The following RBFOX1 variants were observed in gnomAD, a reference collection of about 807,000 sequenced individuals.
RBFOX1 encodes RNA binding protein fox-1 homolog 1.
Under a neutral mutation model 57.7 loss-of-function variants are expected in RBFOX1, and 8 were observed. The observed-to-expected ratio is 0.14, with a 90% CI of 0.08 to 0.25. RBFOX1 has a LOEUF of 0.25. Ranked by LOEUF, RBFOX1 falls within the 10% of genes least tolerant of loss-of-function variation. The probability of loss-of-function intolerance (pLI) is 1.00; values close to 1 mark genes in which losing one functional copy is unlikely to be tolerated. For missense variants in RBFOX1, 611 were observed against 548.5 expected, an observed-to-expected ratio of 1.11 and a Z score of -1.14; for synonymous variants, 326 against 222.4, an observed-to-expected ratio of 1.47 and a Z score of -4.15.
At chr16:5,403,316 C>G (rs1183540663) in intron 1 of RBFOX1, among the ~76,000 whole-genome samples, 1 of 144,678 alleles carries the variant, frequency 6.9e-6, no homozygotes, top group Non-Finnish European at 1.5e-5. Context: ...TGCCATTGCA[C>G]TCCAGTCTGG....
At chr16:5,780,973 C>T (rs577847945) in intron 3 of RBFOX1, among the ~76,000 whole-genome samples, 4 of 152,280 alleles carry the variant, frequency 2.6e-5, no homozygotes, top group East Asian at 1.9e-4. Flanking sequence ...AACACCCTTG[C>T]GGGGTCCCGC....
chr16:6,327,472 A>AT (rs1033906866), intron 2 of RBFOX1, among the ~76,000 whole-genome samples: 4 of 151,852 alleles, frequency 2.6e-5, no homozygotes, highest in African/African-American at 9.7e-5. Flanking sequence ...TTTCTAACCC[A>AT]TTTTTTAATG....
chr16:6,812,624 G>T (rs1400433258), intron 3 of RBFOX1, among the ~76,000 whole-genome samples: 1 of 152,074 alleles, frequency 6.6e-6, no homozygotes, highest in African/African-American at 2.4e-5. Context: ...TGATCCACCC[G>T]CCTCAGCCTA....
intron 10 of RBFOX1, among the ~76,000 whole-genome samples, chr16:7,620,793 C>A (rs527734531): frequency 6.6e-6 from 1 of 152,278 alleles, no homozygotes; most frequent in Admixed American, 6.5e-5. Context: ...GCTTTGGAGT[C>A]ACACAAAACT....
At chr16:7,590,548 C>T (rs571912920) in intron 7 of RBFOX1, among the ~76,000 whole-genome samples, 10 of 152,118 alleles carry the variant, frequency 6.6e-5, no homozygotes, top group South Asian at 6.2e-4. Flanking sequence ...GCAGATATAG[C>T]TACTCCCTAC....
chr16:5,326,408 C>G (rs1176654102), intron 1 of RBFOX1, among the ~76,000 whole-genome samples: 1 of 152,118 alleles, frequency 6.6e-6, no homozygotes, highest in Non-Finnish European at 1.5e-5. Flanking sequence ...TATTTTGAGC[C>G]CCATCCATAC....
At chr16:6,464,276 A>G (rs1326468009) in intron 2 of RBFOX1, among the ~76,000 whole-genome samples, 1 of 152,200 alleles carries the variant, frequency 6.6e-6, no homozygotes, top group African/African-American at 2.4e-5. Context: ...TCATATATTA[A>G]TGGTTGGAGT....
At chr16:7,580,682 T>C (rs563514060) in intron 6 of RBFOX1, among the ~76,000 whole-genome samples, 1 of 152,294 alleles carries the variant, frequency 6.6e-6, no homozygotes. Flanking sequence ...TGATTATTTT[T>C]TTCTCGAAGA....
intron 1 of RBFOX1, among the ~76,000 whole-genome samples, chr16:6,111,178 C>G: frequency 6.6e-6 from 1 of 152,100 alleles, no homozygotes; most frequent in Admixed American, 6.5e-5. Flanking sequence ...ATTCATAATT[C>G]TTAATGAAAA....
At chr16:5,795,346 C>G (rs375203696) in intron 3 of RBFOX1, among the ~76,000 whole-genome samples, 1 of 151,984 alleles carries the variant, frequency 6.6e-6, no homozygotes, top group Non-Finnish European at 1.5e-5. Context: ...CTCTGTTACC[C>G]TGGCTGGAGT....
chr16:5,442,410 A>G (rs2068112174), intron 1 of RBFOX1, among the ~76,000 whole-genome samples: 1 of 152,208 alleles, frequency 6.6e-6, no homozygotes, highest in Non-Finnish European at 1.5e-5. Flanking sequence ...ATGTGAGCCT[A>G]TCTGCATGTG....
intron 3 of RBFOX1, among the ~76,000 whole-genome samples, chr16:6,697,138 G>A (rs1000192): frequency 0.032 from 4,863 of 152,194 alleles, 263 homozygotes; most frequent in African/African-American, 0.11. Context: ...AGATATTCAG[G>A]GATTGACTAG....
intron 1 of RBFOX1, among the ~76,000 whole-genome samples, chr16:6,256,223 A>ATATATATATGTGTATATATATATG (rs761281890): frequency 5.5e-5 from 6 of 109,004 alleles, no homozygotes; most frequent in African/African-American, 1.7e-4. Context: ...ATATATATGT[A>ATATATATATGTGTATATATATATG]TATATATATG....
At chr16:7,397,504 A>C (rs1338864237) in intron 4 of RBFOX1, among the ~76,000 whole-genome samples, 1 of 152,134 alleles carries the variant, frequency 6.6e-6, no homozygotes, top group Non-Finnish European at 1.5e-5. Flanking sequence ...AATGAAAAGA[A>C]CCCACTGGTG....
chr16:7,174,014 G>C (rs1445648650), intron 4 of RBFOX1, among the ~76,000 whole-genome samples: 27 of 152,190 alleles, frequency 1.8e-4, no homozygotes, highest in Admixed American at 1.8e-3. Flanking sequence ...GAACTGGTTG[G>C]AGTATATTCA....
chr16:7,196,372 C>G (rs371696291), intron 4 of RBFOX1, among the ~76,000 whole-genome samples: 152 of 152,290 alleles, frequency 1.0e-3, no homozygotes, highest in African/African-American at 3.6e-3. Flanking sequence ...CACTCCCCCT[C>G]TCCCCAGCCC....
intron 3 of RBFOX1, among the ~76,000 whole-genome samples, chr16:6,773,315 G>C (rs1486079204): frequency 7.7e-6 from 1 of 129,052 alleles, no homozygotes; most frequent in Admixed American, 7.9e-5. Flanking sequence ...TGTGTGTTTG[G>C]GTATGGGGTG....
At chr16:7,362,617 C>G (rs924565226) in intron 4 of RBFOX1, among the ~76,000 whole-genome samples, 1 of 150,298 alleles carries the variant, frequency 6.7e-6, no homozygotes, top group African/African-American at 2.5e-5. Flanking sequence ...ATATGTTTTG[C>G]GTGTAGTATG....
At chr16:6,811,313 T>G (rs1054442440) in intron 3 of RBFOX1, among the ~76,000 whole-genome samples, 10 of 152,210 alleles carry the variant, frequency 6.6e-5, no homozygotes, top group African/African-American at 1.4e-4. Flanking sequence ...TAAAATAGAA[T>G]TGAACCCAGT....
Sources: allele counts gnomAD v4.1 joint callset (sites outside exome capture counted in the v4.1 genomes callset), GRCh38; gene constraint gnomAD v4.1.1; transcripts MANE v1.5; gene names NCBI Gene and HGNC (gene_info 2026-07-23, HGNC 2026-07-21).